MYO16: variants seen among roughly 807,000 people sequenced by gnomAD.
The protein encoded by MYO16 is unconventional myosin-XVI.
MYO16 carries 94 observed loss-of-function variants against 205.3 expected under a neutral mutation model. The ratio of observed to expected loss-of-function variants is 0.46; its 90% confidence interval spans 0.39 to 0.54. The LOEUF (loss-of-function observed/expected upper bound fraction) is 0.54. Among genes scored for constraint, MYO16 ranks in the 20% least tolerant of loss-of-function variants. The pLI is 0.00. For synonymous variants in MYO16, 988 were observed against 954.0 expected (o/e 1.04, Z -0.66); for missense variants, 2,315 against 2,387.5 (o/e 0.97, Z 0.63).
At chr13:108,632,176 C>T (rs1034075399) in intron 1 of MYO16, among the ~76,000 whole-genome samples, 1 of 151,180 alleles carries the variant, frequency 6.6e-6, no homozygotes, top group Non-Finnish European at 1.5e-5. Flanking sequence ...GTTCCTGATG[C>T]GTAAGATTTT....
intron 20 of MYO16, among the ~76,000 whole-genome samples, chr13:108,990,147 T>TACACACACACAC (rs56975148): frequency 5.4e-5 from 8 of 148,396 alleles, no homozygotes; most frequent in African/African-American, 2.0e-4. Flanking sequence ...ACACAGACAA[T>TACACACACACAC]ACACACACAC....
intron 12 of MYO16, among the ~76,000 whole-genome samples, chr13:108,878,333 G>A (rs530752621): frequency 2.0e-5 from 3 of 152,290 alleles, no homozygotes; most frequent in African/African-American, 7.2e-5. Context: ...CAGAGAAGGA[G>A]AGAAGAGAAG....
intron 1 of MYO16, among the ~76,000 whole-genome samples, chr13:108,638,372 C>G (rs2139372412): frequency 6.6e-6 from 1 of 152,230 alleles, no homozygotes; most frequent in East Asian, 1.9e-4. Flanking sequence ...AGCTAATAGC[C>G]CTGGGCTCCA....
intron 2 of MYO16, among the ~76,000 whole-genome samples, chr13:108,686,170 C>G (rs1882668060): frequency 6.6e-6 from 1 of 152,152 alleles, no homozygotes; most frequent in South Asian, 2.1e-4. Flanking sequence ...GGATCCCACA[C>G]CTGGCAGGAG....
intron 9 of MYO16, among the ~76,000 whole-genome samples, chr13:108,833,549 GT>G (rs1375535239): frequency 6.6e-6 from 1 of 152,048 alleles, no homozygotes; most frequent in Non-Finnish European, 1.5e-5. Context: ...TTTTGTTGTT[GT>G]TGTCCTCATG....
chr13:109,069,029 A>G (rs1887844212), intron 27 of MYO16, among the ~76,000 whole-genome samples: 1 of 152,196 alleles, frequency 6.6e-6, no homozygotes, highest in African/African-American at 2.4e-5. Flanking sequence ...GCCCTGACAC[A>G]TTGTCCAATG....
chr13:108,715,006 C>A (rs1272303674), intron 3 of MYO16, among the ~76,000 whole-genome samples: 3 of 152,154 alleles, frequency 2.0e-5, no homozygotes, highest in African/African-American at 7.2e-5. Context: ...ACAGCCGGGT[C>A]GTGTCACTTC....
intron 19 of MYO16, 119 bp downstream of exon 19, chr13:108,962,614 A>G (rs2139369435): frequency 2.7e-6 from 2 of 735,200 alleles, no homozygotes; most frequent in South Asian, 3.5e-5. Context: ...CCAAATGAGG[A>G]AAGCATTCTG....
chr13:108,587,692 C>T, the MYO16 span, among the ~76,000 whole-genome samples: 5 of 152,088 alleles, frequency 3.3e-5, no homozygotes, highest in African/African-American at 1.2e-4. Context: ...TTCCACCACA[C>T]AACATTATAC....
At chr13:108,541,992 T>A in the MYO16 span, among the ~76,000 whole-genome samples, 2 of 152,114 alleles carry the variant, frequency 1.3e-5, no homozygotes, top group Non-Finnish European at 2.9e-5. Flanking sequence ...AATCATCTTA[T>A]TATAAACACA....
chr13:109,158,641 AT>A (rs1480259076), intron 32 of MYO16, among the ~76,000 whole-genome samples: 1 of 152,202 alleles, frequency 6.6e-6, no homozygotes, highest in Non-Finnish European at 1.5e-5. Context: ...CATCATGTAG[AT>A]TATGGCTAGA....
chr13:109,189,365 T>C (rs966157464), intron 34 of MYO16, among the ~76,000 whole-genome samples: 11 of 152,226 alleles, frequency 7.2e-5, no homozygotes, highest in Non-Finnish European at 1.2e-4. Context: ...ACACTCAATA[T>C]TCACCATTAC....
At chr13:109,201,349 A>G (rs952287891) in intron 34 of MYO16, 1 of 152,084 alleles carries the variant, frequency 6.6e-6, no homozygotes, top group African/African-American at 2.4e-5. Context: ...TATTGATGGC[A>G]TGCACTTGTG....
intron 1 of MYO16, among the ~76,000 whole-genome samples, chr13:108,645,070 A>G (rs922995609): frequency 6.6e-6 from 1 of 152,192 alleles, no homozygotes; most frequent in Admixed American, 6.5e-5. Flanking sequence ...GGTGGGGACA[A>G]GACAAGAGGC....
At chr13:108,949,034 C>T (rs1476074269) in intron 16 of MYO16, among the ~76,000 whole-genome samples, 1 of 152,208 alleles carries the variant, frequency 6.6e-6, no homozygotes, top group Non-Finnish European at 1.5e-5. Context: ...ACATAGTCAA[C>T]AGTTGTTGTT....
At chr13:108,635,767 T>G (rs1333929192) in intron 1 of MYO16, among the ~76,000 whole-genome samples, 2 of 152,210 alleles carry the variant, frequency 1.3e-5, no homozygotes, top group African/African-American at 4.8e-5. Flanking sequence ...CCCAAAGTGC[T>G]GGGATTACAG....
In MYO16 at chr13:109,130,242, T is replaced by C. The variant is rs150323032; in HGVS notation, c.4051+2692T>C. ...TCTTGGATCCTAATTTTGTCTCATA[T>C]GTGACTATAAGGTACTTAGAGATGC... On this transcript the variant is annotated intron_variant, in intron 31 of 34. Transcript: ENST00000457511. 3.7e-3 allele frequency among the ~76,000 whole-genome samples: 569 copies of C among 152,344 alleles called. 3 individuals carry two copies. Among genetic ancestry groups the C allele is most frequent in the African/African-American group, 0.013 (550 of 41,578 alleles).
intron 34 of MYO16, among the ~76,000 whole-genome samples, chr13:109,199,391 G>A (rs1177909564): frequency 6.6e-6 from 1 of 151,562 alleles, no homozygotes; most frequent in Non-Finnish European, 1.5e-5. Context: ...CAAGCGTGAA[G>A]GTTTGCAGAT....
chr13:108,850,329 G>A (rs149580737), intron 10 of MYO16, among the ~76,000 whole-genome samples: 8 of 152,304 alleles, frequency 5.3e-5, no homozygotes, highest in East Asian at 1.9e-4. Flanking sequence ...TCAAAACAGC[G>A]TCCACACAAT....
Sources: allele counts gnomAD v4.1 joint callset (sites outside exome capture counted in the v4.1 genomes callset), GRCh38; gene constraint gnomAD v4.1.1; transcripts MANE v1.5; gene names NCBI Gene and HGNC (gene_info 2026-07-23, HGNC 2026-07-21).